The following CACNB2 variants were observed in gnomAD, a reference collection of about 807,000 sequenced individuals.
The protein encoded by CACNB2 is voltage-dependent L-type calcium channel subunit beta-2.
In CACNB2, 42 loss-of-function variants were observed where a neutral mutation model predicts 73.3. That is an observed-to-expected ratio of 0.57 (90% confidence interval 0.45 to 0.74). The LOEUF (loss-of-function observed/expected upper bound fraction) is 0.74. Ranked by LOEUF, CACNB2 falls within the 30% of genes least tolerant of loss-of-function variation. The probability of loss-of-function intolerance (pLI) is 0.00; values close to 1 mark genes in which losing one functional copy is unlikely to be tolerated. For missense variants in CACNB2, 940 were observed against 853.0 expected, an observed-to-expected ratio of 1.10 and a Z score of -1.27; for synonymous variants, 348 against 310.3, an observed-to-expected ratio of 1.12 and a Z score of -1.28.
intron 3 of CACNB2, among the ~76,000 whole-genome samples, chr10:18,493,445 C>T (rs577412064): frequency 9.7e-4 from 147 of 152,234 alleles, no homozygotes; most frequent in Non-Finnish European, 1.8e-3. Flanking sequence ...GCATTACAGG[C>T]GTAAACCACT....
intron 2 of CACNB2, among the ~76,000 whole-genome samples, chr10:18,265,911 A>T (rs1204188956): frequency 1.3e-5 from 2 of 152,144 alleles, no homozygotes; most frequent in African/African-American, 4.8e-5. Flanking sequence ...AGTCTTGAAA[A>T]GCTTTTATTA....
At chr10:18,493,965 G>A (rs1233678946) in intron 3 of CACNB2, among the ~76,000 whole-genome samples, 2 of 152,104 alleles carry the variant, frequency 1.3e-5, no homozygotes, top group Non-Finnish European at 2.9e-5. Flanking sequence ...TGAGGAATAG[G>A]TATCTGCTGC....
intron 2 of CACNB2, among the ~76,000 whole-genome samples, chr10:18,153,922 A>G (rs1236156394): frequency 2.0e-5 from 3 of 149,876 alleles, no homozygotes; most frequent in African/African-American, 7.4e-5. Flanking sequence ...ATACCTTTAC[A>G]TGTTGTTTTT....
chr10:18,509,139 A>G (rs184391974), intron 6 of CACNB2, among the ~76,000 whole-genome samples: 18 of 152,348 alleles, frequency 1.2e-4, no homozygotes, highest in Admixed American at 5.2e-4. Flanking sequence ...TTTTATATCA[A>G]TAGCTCAACT....
At chr10:18,429,478 A>G (rs1421741759) in intron 3 of CACNB2, among the ~76,000 whole-genome samples, 4 of 152,150 alleles carry the variant, frequency 2.6e-5, no homozygotes, top group African/African-American at 9.7e-5. Flanking sequence ...AAAGTTGAAA[A>G]GTAAATGAAG....
At chr10:18,316,233 A>AT (rs1292628280) in intron 2 of CACNB2, among the ~76,000 whole-genome samples, 3 of 152,066 alleles carry the variant, frequency 2.0e-5, no homozygotes, top group East Asian at 3.8e-4. Context: ...TTTTAAAGTA[A>AT]TTTTTTGCAG....
At chr10:18,473,066 G>A (rs1288819716) in intron 3 of CACNB2, among the ~76,000 whole-genome samples, 3 of 152,156 alleles carry the variant, frequency 2.0e-5, no homozygotes, top group Admixed American at 6.5e-5. Flanking sequence ...ATTGTTGTTC[G>A]GTAATATCAG....
intron 3 of CACNB2, among the ~76,000 whole-genome samples, chr10:18,474,910 C>T (rs1315960503): frequency 6.6e-6 from 1 of 151,816 alleles, no homozygotes; most frequent in Non-Finnish European, 1.5e-5. Context: ...ACTGTCCCCA[C>T]TTCAGATGCC....
At chr10:18,449,244 G>A (rs1175422551) in intron 3 of CACNB2, among the ~76,000 whole-genome samples, 1 of 152,126 alleles carries the variant, frequency 6.6e-6, no homozygotes, top group African/African-American at 2.4e-5. Context: ...AATTAGCCGG[G>A]CGTGGTGGCG....
At chr10:18,260,886 C>T (rs1487436087) in intron 2 of CACNB2, 6 of 1,098,728 alleles carry the variant, frequency 5.5e-6, no homozygotes, top group African/African-American at 3.3e-5. Context: ...GAAAATCTCC[C>T]GAGTTGAGAA....
intron 2 of CACNB2, among the ~76,000 whole-genome samples, chr10:18,333,125 A>T (rs1371901169): frequency 6.6e-6 from 1 of 152,166 alleles, no homozygotes; most frequent in Admixed American, 6.5e-5. Context: ...TTTCAAGTGT[A>T]TCTCATTCAG....
At chr10:18,494,867 C>T (rs974237871) in intron 3 of CACNB2, among the ~76,000 whole-genome samples, 1 of 151,506 alleles carries the variant, frequency 6.6e-6, no homozygotes, top group Admixed American at 6.6e-5. Flanking sequence ...TTGAGGCCAG[C>T]CTGGGCAACA....
At chr10:18,449,273 T>G (rs1027880006) in intron 3 of CACNB2, among the ~76,000 whole-genome samples, 4 of 152,062 alleles carry the variant, frequency 2.6e-5, no homozygotes, top group Non-Finnish European at 5.9e-5. Flanking sequence ...TAGTCCCAGC[T>G]ACTCGGGAGG....
intron 2 of CACNB2, among the ~76,000 whole-genome samples, chr10:18,310,605 C>CAAAAAAAAAAAAAAAAAAAAAAGAAAAAA (rs2039920961): frequency 5.4e-5 from 2 of 36,860 alleles, no homozygotes; most frequent in Non-Finnish European, 4.5e-5. Flanking sequence ...AACTCCATCT[C>CAAAAAAAAAAAAAAAAAAAAAAGAAAAAA]AAAAAAAAAA....
chr10:18,446,066 C>T (rs1001227621), intron 3 of CACNB2, among the ~76,000 whole-genome samples: 3 of 152,030 alleles, frequency 2.0e-5, no homozygotes, highest in African/African-American at 7.2e-5. Context: ...GTAGCTGAGC[C>T]TTGGAGAATA....
intron 2 of CACNB2, among the ~76,000 whole-genome samples, chr10:18,233,356 G>A (rs59462087): frequency 6.6e-6 from 1 of 152,030 alleles, no homozygotes; most frequent in Admixed American, 6.5e-5. Flanking sequence ...ACTTTTCTAT[G>A]TTTAGTGACC....
chr10:18,397,795 T>G (rs1034777222), intron 2 of CACNB2, among the ~76,000 whole-genome samples: 2 of 150,466 alleles, frequency 1.3e-5, no homozygotes, highest in East Asian at 3.9e-4. Context: ...TCCAGTGATA[T>G]GCAATTTTCC....
At chr10:18,535,404 G>A (rs2053465064) in intron 11 of CACNB2, among the ~76,000 whole-genome samples, 1 of 152,070 alleles carries the variant, frequency 6.6e-6, no homozygotes, top group African/African-American at 2.4e-5. Flanking sequence ...GAAGCAAACA[G>A]GAGACTGCAA....
intron 2 of CACNB2, among the ~76,000 whole-genome samples, chr10:18,179,854 C>A (rs1211508716): frequency 6.6e-6 from 1 of 152,166 alleles, no homozygotes; most frequent in Non-Finnish European, 1.5e-5. Context: ...TGAATTTTAC[C>A]TTTCCCTTAC....
Sources: allele counts gnomAD v4.1 joint callset (sites outside exome capture counted in the v4.1 genomes callset), GRCh38; gene constraint gnomAD v4.1.1; transcripts MANE v1.5; gene names NCBI Gene and HGNC (gene_info 2026-07-23, HGNC 2026-07-21).